The following PTK7 variants were observed in gnomAD, a reference collection of about 807,000 sequenced individuals.
PTK7 encodes the protein protein tyrosine kinase 7 (inactive).
Under a neutral mutation model 116.6 loss-of-function variants are expected in PTK7, and 39 were observed. The observed-to-expected ratio is 0.33, with a 90% CI of 0.26 to 0.44. The LOEUF is 0.44. Among genes scored for constraint, PTK7 ranks in the 20% least tolerant of loss-of-function variants. PTK7 has a pLI of 1.00. For synonymous variants in PTK7, 546 were observed against 563.6 expected, an observed-to-expected ratio of 0.97 and a Z score of 0.44; for missense variants, 1,169 against 1,425.6, an observed-to-expected ratio of 0.82 and a Z score of 2.90.
chr6:43,158,562 C>CACTTAATCTGGCACTTGCTGTGTGTCA lies in PTK7; in HGVS notation c.2722-254_2722-228dup, dbSNP rs1248676168. Among the ~76,000 whole-genome samples, 15 of 152,340 alleles carry CACTTAATCTGGCACTTGCTGTGTGTCA rather than the reference C, an allele frequency of 9.8e-5. No individual in the cohort carries two copies. In the East Asian group the frequency reaches 2.9e-3, roughly 29 times the overall value. On this transcript the variant is annotated intron_variant, in intron 17 of 19. Transcript: ENST00000230419. ...TGTGCCCTTAGGCCCATGTGCCACT[C>CACTTAATCTGGCACTTGCTGTGTGTCA]ACTTAATCTGGCACTTGCTGTGTGT...
In PTK7 at chr6:43,132,508, C is replaced by T; in HGVS notation, c.1049C>T (p.Pro350Leu). The T allele has an allele frequency of 1.9e-6, 3 of 1,611,992 alleles. No individual in the cohort carries two copies. Among genetic ancestry groups the T allele is most frequent in the Admixed American group, 1.7e-5 (1 of 59,970 alleles). Residue 350 changes from proline (P) to leucine (L), a missense_variant, in exon 7 of 20, where the codon CCA becomes CTA. Coordinates refer to ENST00000230419, the MANE Select transcript of PTK7 (RefSeq NM_002821.5). Reference sequence around the variant, plus strand: ...ACCTGCCTTCCCCCCAAGGGTCTGCCAGAGCCCAGCGTGTGGTGGGAGCAC... The same window carrying T: ...ACCTGCCTTCCCCCCAAGGGTCTGCTAGAGCCCAGCGTGTGGTGGGAGCAC... ...RVTCLPPKGL[P>L]EPSVWWEHAG...
intron 1 of PTK7, among the ~76,000 whole-genome samples, chr6:43,077,766 T>C (rs975455283): frequency 6.6e-6 from 1 of 152,256 alleles, no homozygotes; most frequent in Admixed American, 6.5e-5. Flanking sequence ...GCCTTTCTAA[T>C]ATCTTTCTGG....
chr6:43,102,290 T>G (rs997426291), intron 1 of PTK7, among the ~76,000 whole-genome samples: 1 of 152,132 alleles, frequency 6.6e-6, no homozygotes, highest in African/African-American at 2.4e-5. Flanking sequence ...CTGGGCATGG[T>G]GGCGGGCGCC....
intron 1 of PTK7, among the ~76,000 whole-genome samples, chr6:43,082,503 G>T (rs1330922034): frequency 2.0e-5 from 3 of 152,000 alleles, no homozygotes; most frequent in African/African-American, 7.3e-5. Flanking sequence ...AAGATGCTCA[G>T]GTGACTCTGT....
intron 1 of PTK7, among the ~76,000 whole-genome samples, chr6:43,121,021 G>T (rs1197710984): frequency 6.6e-6 from 1 of 151,808 alleles, no homozygotes; most frequent in East Asian, 1.9e-4. Context: ...GTGACCCCTG[G>T]CTGGGGAGCA....
chr6:43,140,029 G>A (rs751989334), intron 10 of PTK7, among the ~76,000 whole-genome samples: 1 of 152,290 alleles, frequency 6.6e-6, no homozygotes, highest in East Asian at 1.9e-4. Flanking sequence ...CAGGAGAATC[G>A]CTTGAACCCA....
At chr6:43,135,632 T>G (rs1334003025) in intron 7 of PTK7, among the ~76,000 whole-genome samples, 3 of 152,176 alleles carry the variant, frequency 2.0e-5, no homozygotes, top group Non-Finnish European at 2.9e-5. Flanking sequence ...GCTTGTATGT[T>G]GGAGGAACAG....
At chr6:43,111,642 G>A (rs1289690034) in intron 1 of PTK7, among the ~76,000 whole-genome samples, 1 of 152,050 alleles carries the variant, frequency 6.6e-6, no homozygotes, top group Non-Finnish European at 1.5e-5. Context: ...AAGCCTATGA[G>A]GCCAGTACTG....
At chr6:43,144,649 C>T (rs753607671) in intron 15 of PTK7, 43 bp downstream of exon 15, 13 of 1,571,314 alleles carry the variant, frequency 8.3e-6, no homozygotes, top group African/African-American at 1.3e-5. Flanking sequence ...AACTACAAGT[C>T]ACCCGCTGTG....
chr6:43,159,080 A>C, intron 18 of PTK7, 112 bp downstream of exon 18: 1 of 1,371,402 alleles, frequency 7.3e-7, no homozygotes, highest in Non-Finnish European at 9.9e-7. Context: ...CTTAGTCCAA[A>C]GCTGGAGGGC....
intron 1 of PTK7, among the ~76,000 whole-genome samples, chr6:43,123,382 A>G (rs1180530580): frequency 6.6e-6 from 1 of 152,170 alleles, no homozygotes; most frequent in Non-Finnish European, 1.5e-5. Context: ...AGCTCCTGAG[A>G]GATGGGTAGT....
intron 7 of PTK7, among the ~76,000 whole-genome samples, chr6:43,137,664 T>G (rs1195059931): frequency 6.6e-6 from 1 of 152,190 alleles, no homozygotes; most frequent in Non-Finnish European, 1.5e-5. Context: ...AGAACAGATT[T>G]CTGAGGACTG....
At chr6:43,156,479 C>G (rs968996326) in intron 17 of PTK7, among the ~76,000 whole-genome samples, 1 of 151,900 alleles carries the variant, frequency 6.6e-6, no homozygotes, top group East Asian at 1.9e-4. Context: ...ATTGATGGTA[C>G]ACATTTTTGT....
At chr6:43,118,681 A>ATG (rs1270068043) in intron 1 of PTK7, among the ~76,000 whole-genome samples, 15 of 105,562 alleles carry the variant, frequency 1.4e-4, no homozygotes, top group South Asian at 9.5e-4. Flanking sequence ...ATATATATAT[A>ATG]TATATATGTA....
intron 7 of PTK7, among the ~76,000 whole-genome samples, chr6:43,134,655 C>T (rs1484159046): frequency 6.6e-6 from 1 of 151,990 alleles, no homozygotes; most frequent in Non-Finnish European, 1.5e-5. Flanking sequence ...TGGCACTCAC[C>T]TGTAATCCCA....
intron 1 of PTK7, among the ~76,000 whole-genome samples, chr6:43,101,822 C>T (rs947652012): frequency 2.0e-5 from 3 of 152,276 alleles, no homozygotes; most frequent in Non-Finnish European, 2.9e-5. Context: ...CTATGATAAA[C>T]GGTAATGTGC....
At chr6:43,125,292 C>G (rs529525740) in intron 1 of PTK7, among the ~76,000 whole-genome samples, 11 of 152,344 alleles carry the variant, frequency 7.2e-5, no homozygotes, top group African/African-American at 1.7e-4. Context: ...TTGATGTTTC[C>G]CAGGCCCAGT....
intron 1 of PTK7, among the ~76,000 whole-genome samples, chr6:43,099,809 C>G (rs1275922655): frequency 6.6e-6 from 1 of 152,184 alleles, no homozygotes; most frequent in African/African-American, 2.4e-5. Flanking sequence ...GTGGCTTACA[C>G]TTGTAATGCC....
At chr6:43,109,188 T>C (rs1294982912) in intron 1 of PTK7, among the ~76,000 whole-genome samples, 1 of 152,168 alleles carries the variant, frequency 6.6e-6, no homozygotes, top group African/African-American at 2.4e-5. Flanking sequence ...CTCTTCAAGC[T>C]GAGCCTGAAC....
Sources: gnomAD v4.1 joint callset for allele counts (sites outside exome capture counted in the v4.1 genomes callset) on GRCh38, gnomAD v4.1.1 for gene constraint, MANE v1.5 for transcripts, NCBI Gene and HGNC (gene_info 2026-07-23, HGNC 2026-07-21) for gene names.